Variants in ROCK1 observed in about 807,000 individuals in gnomAD.
ROCK1 encodes rho-associated protein kinase 1.
In ROCK1, 36 loss-of-function variants were observed where a neutral mutation model predicts 196.8. That is an observed-to-expected ratio of 0.18 (90% CI 0.14 to 0.24). ROCK1 has a LOEUF of 0.24. Among genes scored for constraint, ROCK1 ranks in the 10% least tolerant of loss-of-function variants. The pLI, the probability that ROCK1 is intolerant of heterozygous loss-of-function variation, is 1.00. For missense variants in ROCK1, 920 were observed against 1,562.0 expected (o/e 0.59, Z 6.93); for synonymous variants, 443 against 515.9 (o/e 0.86, Z 1.91).
chr18:20,958,893 T>TATATATTATATATATAAATATATA (rs1568367048), intron 29 of ROCK1, among the ~76,000 whole-genome samples: 3 of 26,316 alleles, frequency 1.1e-4, no homozygotes, highest in African/African-American at 7.1e-4. Context: ...ATATATATAT[T>TATATATTATATATATAAATATATA]TATTTATATA....
intron 27 of ROCK1, among the ~76,000 whole-genome samples, chr18:20,965,703 G>A (rs913293420): frequency 4.6e-5 from 7 of 152,248 alleles, no homozygotes; most frequent in Middle Eastern, 3.4e-3. Flanking sequence ...ATAATGAATC[G>A]TGTGTACCTG....
chr18:20,969,004 A>T, intron 24 of ROCK1, 111 bp downstream of exon 24: 1 of 880,250 alleles, frequency 1.1e-6, no homozygotes, highest in Non-Finnish European at 1.8e-6. Context: ...TTAAGGCTAC[A>T]GAAGTTACTT....
intron 18 of ROCK1, among the ~76,000 whole-genome samples, chr18:20,990,690 T>C (rs1390550715): frequency 2.6e-4 from 16 of 61,962 alleles, no homozygotes; most frequent in African/African-American, 1.2e-3. Context: ...CAAAACTTCG[T>C]CTCAAAAAAA....
chr18:21,091,771 G>C (rs2036572039), intron 1 of ROCK1, among the ~76,000 whole-genome samples: 1 of 152,058 alleles, frequency 6.6e-6, no homozygotes, highest in African/African-American at 2.4e-5. Context: ...ATGAGTTTGA[G>C]ACCAGGCTGG....
chr18:21,019,390 C>G (rs1238992250), intron 12 of ROCK1, among the ~76,000 whole-genome samples: 2 of 152,080 alleles, frequency 1.3e-5, no homozygotes, highest in Admixed American at 1.3e-4. Flanking sequence ...CCTGCCCTCA[C>G]GTGATCCACC....
chr18:21,091,490 C>T (rs2036569766), intron 1 of ROCK1, among the ~76,000 whole-genome samples: 1 of 150,536 alleles, frequency 6.6e-6, no homozygotes, highest in Non-Finnish European at 1.5e-5. Context: ...GTAGTCCCAG[C>T]TACTCGGGAG....
chr18:21,030,931 A>G (rs2036000676), intron 9 of ROCK1, among the ~76,000 whole-genome samples: 1 of 152,206 alleles, frequency 6.6e-6, no homozygotes, highest in African/African-American at 2.4e-5. Flanking sequence ...CTGGAATCTA[A>G]TAAAAAACTA....
chr18:20,972,424 A>C (rs1361501079), intron 22 of ROCK1, among the ~76,000 whole-genome samples: 1 of 152,148 alleles, frequency 6.6e-6, no homozygotes, highest in Non-Finnish European at 1.5e-5. Context: ...TGGATACGTA[A>C]GTCTGGAATT....
intron 27 of ROCK1, among the ~76,000 whole-genome samples, chr18:20,964,385 CTTAACT>C (rs1268219594): frequency 3.3e-5 from 5 of 151,778 alleles, no homozygotes; most frequent in African/African-American, 1.2e-4. Context: ...AATGCAAAAC[CTTAACT>C]TTATTTGCCA....
At chr18:21,082,587 A>C (rs1247499331) in intron 1 of ROCK1, among the ~76,000 whole-genome samples, 1 of 152,186 alleles carries the variant, frequency 6.6e-6, no homozygotes, top group Non-Finnish European at 1.5e-5. Context: ...AAACCACATC[A>C]CCTCATTAGA....
intron 2 of ROCK1, among the ~76,000 whole-genome samples, chr18:21,066,604 C>G (rs147939690): frequency 1.3e-5 from 2 of 152,332 alleles, no homozygotes; most frequent in African/African-American, 4.8e-5. Context: ...CCTTTTCTAA[C>G]TCCTGAAGTT....
chr18:20,990,449 T>C (rs1047841487), intron 18 of ROCK1, among the ~76,000 whole-genome samples: 5 of 151,928 alleles, frequency 3.3e-5, no homozygotes, highest in African/African-American at 1.2e-4. Context: ...TGGTGTTTCA[T>C]GCCTGTAATC....
At position 20,983,438 on chromosome 18, in the gene ROCK1, T is replaced by C. The variant is rs72879414; in HGVS notation, c.2490-606A>G. ...AATACATACATAAACACAACTCACA[T>C]AGGAGCAGAGTCCAAAAGATGGAAA... On this transcript the variant is annotated intron_variant, in intron 20 of 32. Coordinates refer to ENST00000399799, the MANE Select transcript of ROCK1 (RefSeq NM_005406.3). Among the ~76,000 whole-genome samples the C allele has an allele frequency of 3.2e-3, 484 of 151,770 alleles. 3 individuals carry two copies. The highest frequency in any genetic ancestry group is 5.6e-3 in the Non-Finnish European group (383 of 67,936).
Position 20,966,929 on chromosome 18 carries a change from C to T in ROCK1, c.3340G>A (p.Gly1114Ser), listed in dbSNP as rs768577712. The T allele has an allele frequency of 6.2e-7, 1 of 1,610,858 alleles. No individual in the cohort carries two copies. The highest frequency in any genetic ancestry group is 8.5e-7 in the Non-Finnish European group (1 of 1,178,120). The change falls in exon 27 of 33, where the codon GGT (glycine) becomes AGT (serine). Residue 1114 changes from glycine to serine, a missense_variant. Coordinates refer to ENST00000399799, the MANE Select transcript of ROCK1 (RefSeq NM_005406.3). The stretch of plus-strand genomic sequence containing the variant: ...GAATTATTCTTACCTGGGAGGTTAC[C>T]ATCAGTTTCATCAGCACTAGGAAAA... Reference protein sequence around the residue: ...ASFPSADETDGNLPESRIEGW... With the variant: ...ASFPSADETDSNLPESRIEGW...
chr18:21,058,830 C>T (rs531064212), intron 2 of ROCK1, among the ~76,000 whole-genome samples: 2 of 152,242 alleles, frequency 1.3e-5, no homozygotes, highest in South Asian at 4.1e-4. Flanking sequence ...CTACCTGCCT[C>T]GGCCTCCGAA....
At position 21,110,848 on chromosome 18, in the gene ROCK1, G is replaced by C. The variant is rs1414608948; in HGVS notation, c.63C>G (p.Pro21=). 1 of 1,614,140 alleles carries C rather than the reference G, an allele frequency of 6.2e-7. No individual in the cohort carries two copies. The highest frequency in any genetic ancestry group is 8.5e-7 in the Non-Finnish European group (1 of 1,179,968). ...FEKMDNLLRD[P]KSEVNSDCLL... is the part of the protein sequence containing the mutation. ...AACAATCCGAATTCACTTCCGATTT[G>C]GGATCCCGCAGCAGGTTGTCCATTT... The change falls in exon 1 of 33, where the codon CCC becomes CCG. Residue 21 remains proline (P), a synonymous_variant. Coordinates refer to ENST00000399799, the MANE Select transcript of ROCK1 (RefSeq NM_005406.3).
chr18:21,099,246 A>T (rs1160913372), intron 1 of ROCK1, among the ~76,000 whole-genome samples: 1 of 152,230 alleles, frequency 6.6e-6, no homozygotes, highest in Non-Finnish European at 1.5e-5. Context: ...CTTTTTGCGT[A>T]AGAAAGTGAT....
chr18:21,037,405 G>A (rs1005112305), intron 9 of ROCK1, among the ~76,000 whole-genome samples: 18 of 151,946 alleles, frequency 1.2e-4, no homozygotes, highest in Admixed American at 1.1e-3. Context: ...CACGGAAAAT[G>A]GAAACCCAAA....
At chr18:21,100,470 G>A (rs915924488) in intron 1 of ROCK1, among the ~76,000 whole-genome samples, 2 of 151,274 alleles carry the variant, frequency 1.3e-5, no homozygotes, top group Non-Finnish European at 2.9e-5. Flanking sequence ...GAATCAACCT[G>A]AAGAAGCCCC....
Sources: allele counts gnomAD v4.1 joint callset (sites outside exome capture counted in the v4.1 genomes callset), GRCh38; gene constraint gnomAD v4.1.1; transcripts MANE v1.5; gene names NCBI Gene and HGNC (gene_info 2026-07-23, HGNC 2026-07-21).